The following PODXL variants were observed in gnomAD, a reference collection of about 807,000 sequenced individuals.
PODXL encodes the protein podocalyxin.
A neutral mutation model predicts 48.9 loss-of-function variants in PODXL; 20 were observed. That is an observed-to-expected ratio of 0.41 (90% confidence interval 0.29 to 0.59). The LOEUF (loss-of-function observed/expected upper bound fraction) is 0.59. Ranked by LOEUF, PODXL falls within the 20% of genes least tolerant of loss-of-function variation. The pLI is 0.31. For synonymous variants in PODXL, 295 were observed against 287.4 expected, an observed-to-expected ratio of 1.03 and a Z score of -0.27; for missense variants, 606 against 675.1, an observed-to-expected ratio of 0.90 and a Z score of 1.13.
At chr7:131,543,441 C>T (rs961343113) in intron 1 of PODXL, among the ~76,000 whole-genome samples, 6 of 152,124 alleles carry the variant, frequency 3.9e-5, no homozygotes, top group African/African-American at 1.2e-4. Flanking sequence ...TTGTCCCCTG[C>T]TCTTTAAAAG....
intron 5 of PODXL, 148 bp from the exon 6 acceptor site, chr7:131,506,874 G>GC (rs1299868958): frequency 1.2e-5 from 9 of 772,000 alleles, no homozygotes; most frequent in Admixed American, 4.9e-5. Flanking sequence ...CTCCACGCAG[G>GC]CCTGCCAGGA....
intron 1 of PODXL, among the ~76,000 whole-genome samples, chr7:131,524,458 A>G (rs921670406): frequency 2.0e-5 from 3 of 151,968 alleles, no homozygotes; most frequent in African/African-American, 7.3e-5. Context: ...TAAAACAGGC[A>G]AAAGATCTCC....
At chr7:131,514,732 G>A (rs1438703005) in intron 1 of PODXL, among the ~76,000 whole-genome samples, 1 of 151,886 alleles carries the variant, frequency 6.6e-6, no homozygotes, top group African/African-American at 2.4e-5. Flanking sequence ...CTCAGCCTCC[G>A]AGTAGCTGAG....
At chr7:131,550,725 G>A (rs1798655011) in intron 1 of PODXL, among the ~76,000 whole-genome samples, 1 of 152,210 alleles carries the variant, frequency 6.6e-6, no homozygotes, top group African/African-American at 2.4e-5. Flanking sequence ...TGAAAGGGCT[G>A]AGTTCTATTC....
In PODXL at chr7:131,509,595, G is replaced by A. The variant is rs780172965; in HGVS notation, c.803-10C>T. Reference sequence around the variant, plus strand: ...GAGATAACCGATGACGCTGTCATTGGGAAAACGAGGGTAATGAGAAAAGAT... The same window carrying A: ...GAGATAACCGATGACGCTGTCATTGAGAAAACGAGGGTAATGAGAAAAGAT... On this transcript the variant is annotated splice_polypyrimidine_tract_variant and intron_variant, in intron 3 of 8. Coordinates refer to ENST00000378555, the MANE Select transcript of PODXL (RefSeq NM_001018111.3). The A allele has an allele frequency of 8.0e-6, 12 of 1,508,378 alleles. No homozygotes were observed. The East Asian group carries it at 2.5e-4, about 32-fold the overall frequency. 93.4% of individuals were successfully genotyped at this position (1,508,378 alleles called of 1,614,324 possible).
chr7:131,541,138 TGGAGCA>T (rs960238445), intron 1 of PODXL, among the ~76,000 whole-genome samples: 1 of 152,180 alleles, frequency 6.6e-6, no homozygotes, highest in African/African-American at 2.4e-5. Flanking sequence ...ATGCTGGGGT[TGGAGCA>T]GGAGCAGGAG....
chr7:131,509,627 A>G, intron 3 of PODXL, 42 bp from the exon 4 acceptor site: 5 of 1,332,002 alleles, frequency 3.8e-6, no homozygotes, highest in Non-Finnish European at 5.1e-6. Flanking sequence ...AGATGAGTGC[A>G]CCCTTGCGAG....
intron 1 of PODXL, among the ~76,000 whole-genome samples, chr7:131,532,002 C>T (rs998441532): frequency 1.3e-5 from 2 of 151,904 alleles, no homozygotes; most frequent in Admixed American, 6.6e-5. Flanking sequence ...CCCAGCTGCT[C>T]GGGAGGCTGA....
chr7:131,530,753 G>A (rs1402773844), intron 1 of PODXL, among the ~76,000 whole-genome samples: 1 of 130,632 alleles, frequency 7.7e-6, no homozygotes, highest in Non-Finnish European at 1.6e-5. Flanking sequence ...GAAAGATCAT[G>A]TCTCAGAAAA....
chr7:131,538,049 A>G (rs10273876), intron 1 of PODXL, among the ~76,000 whole-genome samples: 69,841 of 151,998 alleles, frequency 0.46, 16,269 homozygotes, highest in East Asian at 0.54. Context: ...TGTCTTTGGG[A>G]AACTGATGTG....
At chr7:131,530,483 A>G (rs1798260126) in intron 1 of PODXL, among the ~76,000 whole-genome samples, 1 of 152,014 alleles carries the variant, frequency 6.6e-6, no homozygotes, top group South Asian at 2.1e-4. Context: ...GGTGGCTCAT[A>G]CCTATAATCC....
At chr7:131,539,416 C>T (rs1362658854) in intron 1 of PODXL, among the ~76,000 whole-genome samples, 5 of 152,098 alleles carry the variant, frequency 3.3e-5, no homozygotes, top group African/African-American at 4.8e-5. Context: ...CTGCAACCTC[C>T]GCCTCCCGGG....
intron 1 of PODXL, among the ~76,000 whole-genome samples, chr7:131,530,316 G>A (rs1393409491): frequency 6.6e-6 from 1 of 152,064 alleles, no homozygotes; most frequent in Non-Finnish European, 1.5e-5. Context: ...CACTTGGCCA[G>A]GACTCCTCCC....
At chr7:131,534,047 G>GGCACTCCACTCTTCCGCCCTGCACC (rs146402981) in intron 1 of PODXL, among the ~76,000 whole-genome samples, 1 of 152,050 alleles carries the variant, frequency 6.6e-6, no homozygotes, top group East Asian at 1.9e-4. Flanking sequence ...GGGAAGGAAA[G>GGCACTCCACTCTTCCGCCCTGCACC]GCACCCCACC....
intron 1 of PODXL, among the ~76,000 whole-genome samples, chr7:131,544,419 GT>G (rs1562917661): frequency 6.6e-6 from 1 of 152,198 alleles, no homozygotes; most frequent in African/African-American, 2.4e-5. Flanking sequence ...ATAGGATGCC[GT>G]GGGTGAACGA....
At chr7:131,536,758 C>T (rs1798381021) in intron 1 of PODXL, among the ~76,000 whole-genome samples, 1 of 152,088 alleles carries the variant, frequency 6.6e-6, no homozygotes, top group Non-Finnish European at 1.5e-5. Context: ...TGTGCTCAGT[C>T]AGGAGGTTCT....
chr7:131,524,368 A>ACACG lies in PODXL; in HGVS notation c.101-12936_101-12935insCGTG, dbSNP rs147781113. 5.9e-3 allele frequency among the ~76,000 whole-genome samples: 662 copies of ACACG among 112,248 alleles called. 57 individuals are homozygous for ACACG. Among genetic ancestry groups the ACACG allele is most frequent in the East Asian group, 0.017 (58 of 3,486 alleles). The allele number at this position is 112,248 out of a possible 152,430, so 73.6% of individuals were successfully genotyped here. A position where few individuals can be genotyped will look rare whatever the true frequency, so the allele number is the denominator to read the frequency against. On this transcript the variant is annotated intron_variant, in intron 1 of 8. Coordinates refer to ENST00000378555, the MANE Select transcript of PODXL (RefSeq NM_001018111.3). ...AGGAAACACACACACACACGCACAC[A>ACACG]CACACACACACAGAGAGAGAGAGAG...
rs58163575 is a variant in PODXL at position 131,524,379 on chromosome 7, C to CAGAGAGAGAGAGAGAGAGAGAGAGAG, written c.101-12972_101-12947dup. 2.8e-3 allele frequency among the ~76,000 whole-genome samples: 289 copies of CAGAGAGAGAGAGAGAGAGAGAGAGAG among 104,020 alleles called. 3 individuals carry two copies. The highest frequency in any genetic ancestry group is 5.5e-3 in the Admixed American group (46 of 8,308). The allele number at this position is 104,020 out of a possible 152,430, so 68.2% of individuals were successfully genotyped here. On this transcript the variant is annotated intron_variant, in intron 1 of 8. Transcript: ENST00000378555. The stretch of plus-strand genomic sequence containing the variant: ...ACACACACGCACACACACACACACA[C>CAGAGAGAGAGAGAGAGAGAGAGAGAG]AGAGAGAGAGAGAGAGAGAGAGAGA...
In PODXL at chr7:131,506,739, G is replaced by C; in HGVS notation, c.1102-13C>G. On this transcript the variant is annotated splice_polypyrimidine_tract_variant and intron_variant, in intron 5 of 8. Coordinates refer to ENST00000378555, the MANE Select transcript of PODXL (RefSeq NM_001018111.3). Reference sequence around the variant, plus strand: ...AAGCGCCCCCTGCCTATGGTGGGGAGAGCGCAGGTGACTCCGCGGGGAGCG... The same window carrying C: ...AAGCGCCCCCTGCCTATGGTGGGGACAGCGCAGGTGACTCCGCGGGGAGCG... 1.2e-6 allele frequency: 2 copies of C among 1,614,000 alleles called. No individual in the cohort carries two copies. Among genetic ancestry groups the C allele is most frequent in the Non-Finnish European group, 1.7e-6 (2 of 1,179,944 alleles).
Sources: allele counts gnomAD v4.1 joint callset (sites outside exome capture counted in the v4.1 genomes callset), GRCh38; gene constraint gnomAD v4.1.1; transcripts MANE v1.5; gene names NCBI Gene and HGNC (gene_info 2026-07-23, HGNC 2026-07-21).